The following INPP4B variants were observed in gnomAD, a reference collection of about 807,000 sequenced individuals.
INPP4B encodes the protein inositol polyphosphate-4-phosphatase type II B.
A neutral mutation model predicts 122.5 loss-of-function variants in INPP4B; 55 were observed. The observed-to-expected ratio is 0.45, with a 90% CI of 0.36 to 0.56. The LOEUF is 0.56. Among genes scored for constraint, INPP4B ranks in the 20% least tolerant of loss-of-function variants. INPP4B has a pLI of 0.00. For missense variants in INPP4B, 1,000 were observed against 1,097.7 expected, an observed-to-expected ratio of 0.91 and a Z score of 1.26; for synonymous variants, 403 against 388.7, an observed-to-expected ratio of 1.04 and a Z score of -0.43.
At chr4:142,091,927 T>C (rs1015584577) in intron 23 of INPP4B, among the ~76,000 whole-genome samples, 2 of 152,170 alleles carry the variant, frequency 1.3e-5, no homozygotes, top group Non-Finnish European at 2.9e-5. Context: ...GTCCCTAATC[T>C]ACTCACTTCC....
At chr4:142,110,911 A>G (rs753501197) in intron 22 of INPP4B, among the ~76,000 whole-genome samples, 3 of 152,130 alleles carry the variant, frequency 2.0e-5, no homozygotes, top group Non-Finnish European at 4.4e-5. Context: ...CTCTCTCAAG[A>G]TCACAATCAC....
At chr4:142,368,617 A>G (rs1225804197) in intron 7 of INPP4B, among the ~76,000 whole-genome samples, 3 of 152,112 alleles carry the variant, frequency 2.0e-5, no homozygotes, top group African/African-American at 7.2e-5. Flanking sequence ...GCAAGGAAAT[A>G]TAATGTTCAA....
At chr4:142,662,958 A>G (rs1332803344) in intron 2 of INPP4B, among the ~76,000 whole-genome samples, 2 of 152,206 alleles carry the variant, frequency 1.3e-5, no homozygotes, top group Non-Finnish European at 2.9e-5. Flanking sequence ...AAGTCATCTC[A>G]TTAGTCCAAA....
At chr4:142,645,987 T>C (rs1467637596) in intron 2 of INPP4B, among the ~76,000 whole-genome samples, 1 of 152,116 alleles carries the variant, frequency 6.6e-6, no homozygotes, top group African/African-American at 2.4e-5. Context: ...GAGACCCAAA[T>C]ATGCAGTTAG....
intron 3 of INPP4B, among the ~76,000 whole-genome samples, chr4:142,444,346 T>C (rs1051556361): frequency 6.6e-6 from 1 of 152,016 alleles, no homozygotes; most frequent in Non-Finnish European, 1.5e-5. Context: ...AGTGTGGGCG[T>C]AGGATATGAA....
intron 15 of INPP4B, among the ~76,000 whole-genome samples, chr4:142,184,817 G>A (rs940797671): frequency 3.3e-5 from 5 of 152,146 alleles, no homozygotes; most frequent in Non-Finnish European, 7.3e-5. Flanking sequence ...AGGGTAGAGG[G>A]GAGGGAAAGA....
chr4:142,420,959 T>C (rs962881970), intron 5 of INPP4B, among the ~76,000 whole-genome samples: 1 of 152,140 alleles, frequency 6.6e-6, no homozygotes, highest in East Asian at 1.9e-4. Flanking sequence ...CTTACGCTAA[T>C]TCATTTAATC....
At chr4:142,799,772 C>T (rs939412138) in intron 1 of INPP4B, among the ~76,000 whole-genome samples, 17 of 151,752 alleles carry the variant, frequency 1.1e-4, no homozygotes, top group Non-Finnish European at 2.5e-4. Context: ...TTTGTTTTTA[C>T]TAAATATTGT....
chr4:142,071,138 A>T (rs1386443182), intron 25 of INPP4B, among the ~76,000 whole-genome samples: 1 of 152,190 alleles, frequency 6.6e-6, no homozygotes, highest in Non-Finnish European at 1.5e-5. Flanking sequence ...CGAAACAGAG[A>T]TATAGACCAA....
At chr4:142,343,049 T>C (rs896199625) in intron 7 of INPP4B, among the ~76,000 whole-genome samples, 3 of 152,086 alleles carry the variant, frequency 2.0e-5, no homozygotes, top group African/African-American at 7.2e-5. Context: ...GTACTTCAAG[T>C]GAATCAAGTA....
chr4:142,300,499 C>A (rs1383689778), intron 9 of INPP4B, among the ~76,000 whole-genome samples: 1 of 152,070 alleles, frequency 6.6e-6, no homozygotes, highest in Non-Finnish European at 1.5e-5. Flanking sequence ...AGCTTAAAAA[C>A]CTCACAATTT....
chr4:142,461,133 C>T (rs1166944718), intron 3 of INPP4B, among the ~76,000 whole-genome samples: 2 of 152,150 alleles, frequency 1.3e-5, no homozygotes, highest in Non-Finnish European at 2.9e-5. Context: ...GACTGCGCCA[C>T]TGCAATCCAG....
At chr4:142,216,763 T>C (rs1050889299) in intron 12 of INPP4B, among the ~76,000 whole-genome samples, 21 of 152,178 alleles carry the variant, frequency 1.4e-4, no homozygotes, top group African/African-American at 4.3e-4. Context: ...ACAAGCTATT[T>C]AAAAACATGA....
At chr4:142,384,337 G>A (rs1795211060) in intron 7 of INPP4B, among the ~76,000 whole-genome samples, 1 of 152,152 alleles carries the variant, frequency 6.6e-6, no homozygotes, top group Non-Finnish European at 1.5e-5. Flanking sequence ...GTCATTAGGA[G>A]ATTTTGTCAT....
chr4:142,209,824 A>G (rs539032858), intron 12 of INPP4B, among the ~76,000 whole-genome samples: 1 of 147,716 alleles, frequency 6.8e-6, no homozygotes, highest in East Asian at 2.0e-4. Context: ...AAAAGCCCAG[A>G]TAATAAATAA....
At chr4:142,044,779 A>G (rs1750425972) in intron 25 of INPP4B, among the ~76,000 whole-genome samples, 1 of 152,186 alleles carries the variant, frequency 6.6e-6, no homozygotes, top group Non-Finnish European at 1.5e-5. Context: ...TCAGGAGAAC[A>G]AAAGTTATTT....
In INPP4B at chr4:142,024,124, C is replaced by T. The variant is rs183497216; in HGVS notation, c.*4658G>A. On this transcript the variant is annotated 3_prime_UTR_variant, in exon 26 of 26. Transcript: ENST00000262992. ...TGCAAATTTCCATACATTAACTCTACACATAATGGCTTGCAATATTTTATC... is the reference window on the plus strand; with the variant it reads ...TGCAAATTTCCATACATTAACTCTATACATAATGGCTTGCAATATTTTATC... The T allele has an allele frequency of 1.3e-5, 2 of 152,114 alleles. No individual in the cohort carries two copies. The highest frequency in any genetic ancestry group is 1.3e-4 in the Admixed American group (2 of 15,268). The allele number at this position is 152,114 out of a possible 1,614,324, so 9.4% of individuals were successfully genotyped here.
At chr4:142,172,257 C>T (rs1825998728) in intron 16 of INPP4B, among the ~76,000 whole-genome samples, 1 of 152,048 alleles carries the variant, frequency 6.6e-6, no homozygotes, top group South Asian at 2.1e-4. Flanking sequence ...TGGGTTTGAA[C>T]CCAGGTTTTG....
intron 2 of INPP4B, among the ~76,000 whole-genome samples, chr4:142,689,580 G>A (rs1163949621): frequency 6.6e-6 from 1 of 152,038 alleles, no homozygotes; most frequent in Non-Finnish European, 1.5e-5. Flanking sequence ...TTGTTTAGGG[G>A]TCATTTTGAA....
Sources: gnomAD v4.1 joint callset for allele counts (sites outside exome capture counted in the v4.1 genomes callset) on GRCh38, gnomAD v4.1.1 for gene constraint, MANE v1.5 for transcripts, NCBI Gene and HGNC (gene_info 2026-07-23, HGNC 2026-07-21) for gene names.